YIF1B: variants seen among roughly 807,000 people sequenced by gnomAD.
YIF1B encodes the protein protein YIF1B.
YIF1B carries 24 observed loss-of-function variants against 34.6 expected under a neutral mutation model. The observed-to-expected ratio is 0.69, with a 90% CI of 0.50 to 0.98. The LOEUF is 0.98. Among genes scored for constraint, YIF1B ranks in the 50% least tolerant of loss-of-function variants. YIF1B has a pLI of 0.00. For missense variants in YIF1B, 368 were observed against 429.4 expected, an observed-to-expected ratio of 0.86 and a Z score of 1.26; for synonymous variants, 186 against 184.8, an observed-to-expected ratio of 1.01 and a Z score of -0.05.
At chr19:38,306,204 C>CAA (rs1174694534) in intron 7 of YIF1B, among the ~76,000 whole-genome samples, 3,499 of 28,678 alleles carry the variant, frequency 0.12, 592 homozygotes, top group Non-Finnish European at 0.15. Context: ...CTCTGTCTCA[C>CAA]AAAAAAAAAA....
intron 7 of YIF1B, chr19:38,306,939 C>T (rs749123020): frequency 2.1e-6 from 1 of 470,526 alleles, no homozygotes. Context: ...CCTCGGCCTC[C>T]CAAAGTGCTG....
intron 1 of YIF1B, among the ~76,000 whole-genome samples, chr19:38,315,056 T>G (rs952291975): frequency 1.3e-5 from 2 of 151,630 alleles, no homozygotes; most frequent in Non-Finnish European, 2.9e-5. Flanking sequence ...GTCGGGAGTT[T>G]GAGACCAGCT....
chr19:38,306,682 T>G (rs954470096), intron 7 of YIF1B: 1 of 242,966 alleles, frequency 4.1e-6, no homozygotes, highest in African/African-American at 2.4e-5. Context: ...AGTTTATTTT[T>G]TATTTTTATT....
At chr19:38,315,273 A>G (rs146289981) in intron 1 of YIF1B, among the ~76,000 whole-genome samples, 1 of 151,906 alleles carries the variant, frequency 6.6e-6, no homozygotes, top group Non-Finnish European at 1.5e-5. Flanking sequence ...AAAAAGAAGT[A>G]TCCTCTTCCA....
rs1361643621 is a variant in YIF1B at position 38,306,806 on chromosome 19, T to C, written c.789+622A>G. 1.2e-5 allele frequency: 4 copies of C among 342,012 alleles called. No individual in the cohort carries two copies. In the Admixed American group the frequency reaches 1.7e-4, roughly 14 times the overall value. 21.2% of individuals were successfully genotyped at this position (342,012 alleles called of 1,614,324 possible). A position where few individuals can be genotyped will look rare whatever the true frequency, so the allele number is the denominator to read the frequency against. On this transcript the variant is annotated intron_variant, in intron 7 of 7. Coordinates refer to ENST00000339413, the MANE Select transcript of YIF1B (RefSeq NM_001039672.3). ...AAGCGATTCTCCTGCCTCAGCCTCC[T>C]GAGTAGCTGGGACTACAGGCACACA... is the stretch of plus-strand genomic sequence containing the variant.
At chr19:38,314,763 G>A (rs868347584) in intron 1 of YIF1B, among the ~76,000 whole-genome samples, 13 of 151,354 alleles carry the variant, frequency 8.6e-5, no homozygotes, top group South Asian at 2.1e-4. Flanking sequence ...ACAGGTGCTC[G>A]CCACCACACC....
At chr19:38,314,997 G>A (rs1007232036) in intron 1 of YIF1B, among the ~76,000 whole-genome samples, 3 of 151,894 alleles carry the variant, frequency 2.0e-5, no homozygotes, top group African/African-American at 7.3e-5. Flanking sequence ...GGTGGCTCAC[G>A]CCTGTAATCC....
Position 38,304,978 on chromosome 19 carries a change from G to T in YIF1B, c.*374C>A. The stretch of plus-strand genomic sequence containing the variant: ...GCTCCCCACTGAAGGGCCCTGGACA[G>T]GGCTCATTAAACCTTCCTCTCTGCC... On this transcript the variant is annotated 3_prime_UTR_variant, in exon 8 of 8. Coordinates refer to ENST00000339413, the MANE Select transcript of YIF1B (RefSeq NM_001039672.3). 1 of 1,587,448 alleles carries T rather than the reference G, an allele frequency of 6.3e-7. No individual in the cohort carries two copies. Among genetic ancestry groups the T allele is most frequent in the South Asian group, 1.1e-5 (1 of 88,372 alleles).
At position 38,307,503 on chromosome 19, in the gene YIF1B, G is replaced by A. The variant is rs374238780; in HGVS notation, c.714C>T (p.Leu238=). ...YKYVGMIGGV[L]MGLLFGKIGY... ...CAATCTTCCCGAAGAGCAGGCCCAT[G>A]AGGACCCCGCCAATCATCCTGGGGG... is the stretch of plus-strand genomic sequence containing the variant. Residue 238 remains leucine, a synonymous_variant, in exon 7 of 8, where the codon CTC becomes CTT. Transcript: ENST00000339413. 39 of 1,613,776 alleles carry A rather than the reference G, an allele frequency of 2.4e-5. No individual in the cohort carries two copies. Among genetic ancestry groups the A allele is most frequent in the African/African-American group, 4.0e-5 (3 of 74,862 alleles).
rs1461389483 is a variant in YIF1B, at chr19:38,303,649, TCTGA to T, written c.*1699_*1702del. Among the ~76,000 whole-genome samples the T allele has an allele frequency of 6.6e-6, 1 of 152,254 alleles. No individual in the cohort carries two copies. The highest frequency in any genetic ancestry group is 1.5e-5 in the Non-Finnish European group (1 of 68,048). On this transcript the variant is annotated 3_prime_UTR_variant, in exon 8 of 8. Coordinates refer to ENST00000339413, the MANE Select transcript of YIF1B (RefSeq NM_001039672.3). ...GACACCATTCTAGGAAATTAACTCC[TCTGA>T]CTTTCACATCAATCCCATGGGTAGC... is the stretch of plus-strand genomic sequence containing the variant.
At chr19:38,321,525 G>A (rs1042076588), upstream of YIF1B, among the ~76,000 whole-genome samples, 3 of 152,212 alleles carry the variant, frequency 2.0e-5, no homozygotes, top group African/African-American at 7.2e-5. Flanking sequence ...GAAACCCTGA[G>A]AAGCCAGACT....
chr19:38,315,544 C>T, intron 1 of YIF1B: 1 of 1,458,758 alleles, frequency 6.9e-7, no homozygotes, highest in Non-Finnish European at 9.0e-7. Flanking sequence ...AGGGTGTGGG[C>T]GACAGCAGGC....
chr19:38,317,561 GTTTT>G (rs764270669), upstream of YIF1B, among the ~76,000 whole-genome samples: 5 of 147,702 alleles, frequency 3.4e-5, no homozygotes, highest in African/African-American at 5.0e-5. Context: ...TTCCATAAAT[GTTTT>G]TTTTTTTCTT....
chr19:38,305,495 G>A lies in YIF1B; in HGVS notation c.802C>T (p.Arg268Trp), dbSNP rs1334148216. The A allele has an allele frequency of 2.5e-6, 4 of 1,604,806 alleles. No individual in the cohort carries two copies. Among genetic ancestry groups the A allele is most frequent in the South Asian group, 1.1e-5 (1 of 90,692 alleles). The change falls in exon 8 of 8, where the codon CGG (arginine) becomes TGG (tryptophan). Residue 268 changes from arginine (R) to tryptophan (W), a missense_variant. Transcript: ENST00000339413. ...GCTGCGTCTGCCAAGATCTTCAGCC[G>A]CAGCGTCCGGATCTGGGTGGGAAAG... ...AIFVFMIRTL[R>W]LKILADAAAE...
chr19:38,306,975 C>T (rs1426319653), intron 7 of YIF1B: 4 of 472,156 alleles, frequency 8.5e-6, no homozygotes. Context: ...GCCACCGCGC[C>T]CGGCAAAAGG....
chr19:38,310,311 T>TCATC (rs1193205411), intron 1 of YIF1B, among the ~76,000 whole-genome samples: 5 of 59,762 alleles, frequency 8.4e-5, no homozygotes, highest in African/African-American at 3.3e-4. Context: ...ACCTACCCAT[T>TCATC]CATCCATCCA....
In YIF1B at chr19:38,304,914, A is replaced by C; in HGVS notation, c.*438T>G. 1 of 1,558,518 alleles carries C rather than the reference A, an allele frequency of 6.4e-7. No homozygotes were observed. Among genetic ancestry groups the C allele is most frequent in the Non-Finnish European group, 8.8e-7 (1 of 1,137,456 alleles). Reference sequence around the variant, plus strand: ...GGCCAAGAAGCCCAAAGTGAAGAAGAAGGAGAAGGGCAAGAAGGAGAAGGG... The same window carrying C: ...GGCCAAGAAGCCCAAAGTGAAGAAGCAGGAGAAGGGCAAGAAGGAGAAGGG... On this transcript the variant is annotated 3_prime_UTR_variant, in exon 8 of 8. Coordinates refer to ENST00000339413, the MANE Select transcript of YIF1B (RefSeq NM_001039672.3).
In YIF1B at chr19:38,315,495, T is replaced by C. The variant is rs1969508248; in HGVS notation, c.58+365A>G. 2.8e-6 allele frequency: 4 copies of C among 1,403,830 alleles called. No individual in the cohort carries two copies. In the East Asian group the frequency reaches 8.2e-5, roughly 29 times the overall value. The allele number at this position is 1,403,830 out of a possible 1,614,324, so 87.0% of individuals were successfully genotyped here. On this transcript the variant is annotated intron_variant, in intron 1 of 7. Coordinates refer to ENST00000339413, the MANE Select transcript of YIF1B (RefSeq NM_001039672.3). ...TCGCTTCTTAAATGAGCGGTAGGCATGGCCCTCTGCGCTCCCGGGGGGCCA... is the reference window on the plus strand; with the variant it reads ...TCGCTTCTTAAATGAGCGGTAGGCACGGCCCTCTGCGCTCCCGGGGGGCCA...
Position 38,304,479 on chromosome 19 carries a change from C to A in YIF1B, c.*873G>T, listed in dbSNP as rs1968896104. ...GGGCCGGTCGGAGGCAGGGGCAGGT[C>A]CGGGTCCAAAGGTAAGTCGCCTCAT... On this transcript the variant is annotated 3_prime_UTR_variant, in exon 8 of 8. Coordinates refer to ENST00000339413, the MANE Select transcript of YIF1B (RefSeq NM_001039672.3). 1 of 1,555,724 alleles carries A rather than the reference C, an allele frequency of 6.4e-7. No homozygotes were observed. Among genetic ancestry groups the A allele is most frequent in the East Asian group, 2.4e-5 (1 of 41,530 alleles).
Sources: allele counts gnomAD v4.1 joint callset (sites outside exome capture counted in the v4.1 genomes callset), GRCh38; gene constraint gnomAD v4.1.1; transcripts MANE v1.5; gene names NCBI Gene and HGNC (gene_info 2026-07-23, HGNC 2026-07-21).